Variants in NUDT21 observed in about 807,000 individuals in gnomAD.
NUDT21 encodes the protein cleavage and polyadenylation specificity factor subunit 5.
In NUDT21, 5 loss-of-function variants were observed where a neutral mutation model predicts 29.8. The ratio of observed to expected loss-of-function variants is 0.17; its 90% CI spans 0.09 to 0.35. The LOEUF (loss-of-function observed/expected upper bound fraction) is 0.35, where lower values mean the gene tolerates loss of function less well. NUDT21 is among the 10% of genes least tolerant of loss of function. The pLI, the probability that NUDT21 is intolerant of heterozygous loss-of-function variation, is 1.00. For missense variants in NUDT21, 76 were observed against 276.0 expected, an observed-to-expected ratio of 0.28 and a Z score of 5.13; for synonymous variants, 113 against 98.5, an observed-to-expected ratio of 1.15 and a Z score of -0.87.
chr16:56,440,201 A>AT lies in NUDT21; in HGVS notation c.382-456dup, dbSNP rs140750642. ...TTAAAAGCATTCTTCTTGGTCTTAA[A>AT]TAAACGGTTTATTTTAGGATAGTTT... On this transcript the variant is annotated intron_variant, in intron 3 of 6. Coordinates refer to ENST00000300291, the MANE Select transcript of NUDT21 (RefSeq NM_007006.3). Among the ~76,000 whole-genome samples, 756 of 152,286 alleles carry AT rather than the reference A, an allele frequency of 5.0e-3. 4 individuals are homozygous for AT. Among genetic ancestry groups the AT allele is most frequent in the African/African-American group, 0.017 (723 of 41,542 alleles).
rs1289344729 is a variant in NUDT21 at position 56,432,628 on chromosome 16, T to G, written c.*84A>C. The G allele has an allele frequency of 7.9e-7, 1 of 1,271,954 alleles. No individual in the cohort carries two copies. Among genetic ancestry groups the G allele is most frequent in the African/African-American group, 1.5e-5 (1 of 66,482 alleles). The allele number at this position is 1,271,954 out of a possible 1,614,324, so 78.8% of individuals were successfully genotyped here. On this transcript the variant is annotated 3_prime_UTR_variant, in exon 7 of 7. Coordinates refer to ENST00000300291, the MANE Select transcript of NUDT21 (RefSeq NM_007006.3). Reference sequence around the variant, plus strand: ...GCAAAAGAGATAAAACCAAAAAAACTTTTCTACCACATTTATTCTACACTG... The same window carrying G: ...GCAAAAGAGATAAAACCAAAAAAACGTTTCTACCACATTTATTCTACACTG...
intron 4 of NUDT21, among the ~76,000 whole-genome samples, chr16:56,436,357 T>G (rs1352065306): frequency 1.3e-5 from 2 of 152,222 alleles, no homozygotes; most frequent in African/African-American, 4.8e-5. Context: ...CTCAGCCAAG[T>G]TGTGAAGCCA....
intron 4 of NUDT21, among the ~76,000 whole-genome samples, chr16:56,438,694 T>A (rs1370657547): frequency 6.6e-6 from 1 of 152,112 alleles, no homozygotes; most frequent in African/African-American, 2.4e-5. Context: ...ACTATCAATT[T>A]GCAAGACACA....
chr16:56,440,624 A>G (rs542233277), intron 3 of NUDT21, among the ~76,000 whole-genome samples: 17 of 152,360 alleles, frequency 1.1e-4, no homozygotes, highest in Non-Finnish European at 2.2e-4. Flanking sequence ...CTACAGAGGT[A>G]AAAGGGCCAT....
Position 56,450,387 on chromosome 16 carries a change from A to G in NUDT21, c.116+700T>C, listed in dbSNP as rs78298146. The stretch of plus-strand genomic sequence containing the variant: ...TGTTGAAAATAAAACACAGCCCACA[A>G]TGGGTTTTCTGGTACAAACATTCTG... On this transcript the variant is annotated intron_variant, in intron 1 of 6. Coordinates refer to ENST00000300291, the MANE Select transcript of NUDT21 (RefSeq NM_007006.3). 3.3e-3 allele frequency among the ~76,000 whole-genome samples: 509 copies of G among 152,278 alleles called. 3 individuals carry two copies. The highest frequency in any genetic ancestry group is 0.012 in the African/African-American group (478 of 41,558).
intron 4 of NUDT21, among the ~76,000 whole-genome samples, chr16:56,436,611 T>C (rs1962106708): frequency 6.6e-6 from 1 of 152,206 alleles, no homozygotes; most frequent in Admixed American, 6.5e-5. Context: ...AAGAGATCTG[T>C]GGATCACATA....
Position 56,451,331 on chromosome 16 carries a change from A to G in NUDT21, c.-129T>C. 1 of 799,408 alleles carries G rather than the reference A, an allele frequency of 1.3e-6. No individual in the cohort carries two copies. The highest frequency in any genetic ancestry group is 2.0e-6 in the Non-Finnish European group (1 of 506,000). The allele number at this position is 799,408 out of a possible 1,614,324, so 49.5% of individuals were successfully genotyped here. On this transcript the variant is annotated 5_prime_UTR_variant, in exon 1 of 7. Transcript: ENST00000300291. The stretch of plus-strand genomic sequence containing the variant: ...GCCATTAACAGGACAGCGCAAGAGG[A>G]GGCGTAGGCACGCCGGAAGTGAACC...
At chr16:56,450,569 G>A (rs185608642) in intron 1 of NUDT21, among the ~76,000 whole-genome samples, 1 of 152,306 alleles carries the variant, frequency 6.6e-6, no homozygotes, top group East Asian at 1.9e-4. Context: ...AATAAAATGT[G>A]TTGTATTCAA....
Position 56,429,802 on chromosome 16 carries a change from A to G in NUDT21, c.*2910T>C, listed in dbSNP as rs1201251188. 3 of 152,230 alleles carry G rather than the reference A, an allele frequency of 2.0e-5. No homozygotes were observed. The highest frequency in any genetic ancestry group is 7.2e-5 in the African/African-American group (3 of 41,462). 9.4% of individuals were successfully genotyped at this position (152,230 alleles called of 1,614,324 possible). A position where few individuals can be genotyped will look rare whatever the true frequency, so the allele number is the denominator to read the frequency against. On this transcript the variant is annotated 3_prime_UTR_variant, in exon 7 of 7. Coordinates refer to ENST00000300291, the MANE Select transcript of NUDT21 (RefSeq NM_007006.3). ...CTCAGTGATTGGCATATACTGTTCC[A>G]AACACTATGAACTAGTAAAAACATT...
rs1962047130 is a variant in NUDT21, at chr16:56,432,629, T to C, written c.*83A>G. 4.6e-6 allele frequency: 6 copies of C among 1,294,644 alleles called. No individual in the cohort carries two copies. The Admixed American group carries it at 7.4e-5, about 16-fold the overall frequency. The allele number at this position is 1,294,644 out of a possible 1,614,324, so 80.2% of individuals were successfully genotyped here. On this transcript the variant is annotated 3_prime_UTR_variant, in exon 7 of 7. Coordinates refer to ENST00000300291, the MANE Select transcript of NUDT21 (RefSeq NM_007006.3). ...CAAAAGAGATAAAACCAAAAAAACT[T>C]TTCTACCACATTTATTCTACACTGT... is the stretch of plus-strand genomic sequence containing the variant.
chr16:56,444,620 C>CA lies in NUDT21; in HGVS notation c.381+2005dup, dbSNP rs376261802. ...CGCCTCAAAAAAAAAAAAACAAAAA[C>CA]AAAAAAAAAAAAAAACAAGCCTAAT... is the stretch of plus-strand genomic sequence containing the variant. On this transcript the variant is annotated intron_variant, in intron 3 of 6. Transcript: ENST00000300291. 9.4e-3 allele frequency among the ~76,000 whole-genome samples: 1,037 copies of CA among 110,892 alleles called. 6 individuals carry two copies. The highest frequency in any genetic ancestry group is 0.021 in the African/African-American group (632 of 30,658). The allele number at this position is 110,892 out of a possible 152,430, so 72.7% of individuals were successfully genotyped here. A position where few individuals can be genotyped will look rare whatever the true frequency, so the allele number is the denominator to read the frequency against.
Position 56,451,153 on chromosome 16 carries a change from AC to A in NUDT21, c.49del (p.Val17SerfsTer51). 1 of 1,604,446 alleles carries A rather than the reference AC, an allele frequency of 6.2e-7. No homozygotes were observed. Among genetic ancestry groups the A allele is most frequent in the Non-Finnish European group, 8.5e-7 (1 of 1,176,308 alleles). ...NRSQTGWPRG[V>X]TQFGNKYIQQ... is the part of the protein sequence containing the mutation. ...GATGTACTTGTTGCCGAACTGAGTGACCCCCCGGGGCCAGCCGGTCTGCGAG... is the reference window on the plus strand; with the variant it reads ...GATGTACTTGTTGCCGAACTGAGTGACCCCCGGGGCCAGCCGGTCTGCGAG... On this transcript the variant is annotated frameshift_variant, in exon 1 of 7. Transcript: ENST00000300291. LOFTEE classifies it high-confidence loss of function.
chr16:56,446,264 G>A (rs1178421341), intron 3 of NUDT21, among the ~76,000 whole-genome samples: 5 of 152,104 alleles, frequency 3.3e-5, no homozygotes, highest in African/African-American at 1.2e-4. Context: ...CAAACCTCTG[G>A]CTCTACAACA....
chr16:56,449,576 A>C lies in NUDT21; in HGVS notation c.116+1511T>G, dbSNP rs189386528. ...GTAAATCAACCCATAATTTTAATAG[A>C]GCGAAGATTAAAATATCTTACTGAA... On this transcript the variant is annotated intron_variant, in intron 1 of 6. Transcript: ENST00000300291. 1.4e-3 allele frequency among the ~76,000 whole-genome samples: 217 copies of C among 152,322 alleles called. 2 individuals carry two copies. The highest frequency in any genetic ancestry group is 1.9e-3 in the Admixed American group (29 of 15,300).
rs763169922 is a variant in NUDT21, at chr16:56,451,084, T to C, written c.116+3A>G. 7 of 1,611,670 alleles carry C rather than the reference T, an allele frequency of 4.3e-6. No homozygotes were observed. Among genetic ancestry groups the C allele is most frequent in the Non-Finnish European group, 5.9e-6 (7 of 1,178,078 alleles). ...ATGCCCGCCAAGGCCGCGCCGCACT[T>C]ACAGGTTGATGGTGCGCTCCAGGGT... On this transcript the variant is annotated splice_donor_region_variant and intron_variant, in intron 1 of 6. Coordinates refer to ENST00000300291, the MANE Select transcript of NUDT21 (RefSeq NM_007006.3).
intron 6 of NUDT21, 128 bp from the exon 7 acceptor site, chr16:56,432,861 C>T (rs938626670): frequency 6.6e-6 from 4 of 610,664 alleles, no homozygotes; most frequent in African/African-American, 3.7e-5. Context: ...TTTTCCCCTT[C>T]GAATGCCTTT....
chr16:56,446,796 T>C (rs1272333546), intron 2 of NUDT21, 107 bp from the exon 3 acceptor site: 6 of 634,932 alleles, frequency 9.4e-6, no homozygotes, highest in South Asian at 7.0e-5. Context: ...TATTTCAGCA[T>C]AATAAGGCAA....
rs1190627444 is a variant in NUDT21 at position 56,430,603 on chromosome 16, T to C, written c.*2109A>G. 6.6e-6 allele frequency: 1 copy of C among 152,212 alleles called. No homozygotes were observed. Among genetic ancestry groups the C allele is most frequent in the Non-Finnish European group, 1.5e-5 (1 of 68,030 alleles). The allele number at this position is 152,212 out of a possible 1,614,324, so 9.4% of individuals were successfully genotyped here. A position where few individuals can be genotyped will look rare whatever the true frequency, so the allele number is the denominator to read the frequency against. On this transcript the variant is annotated 3_prime_UTR_variant, in exon 7 of 7. Transcript: ENST00000300291. ...AACTTAGTGTTAAACAGTGCCCTTA[T>C]ACCCTCTTCTAATACTGTAGACACC...
intron 1 of NUDT21, 54 bp downstream of exon 1, chr16:56,451,033 A>G (rs964470393): frequency 6.9e-7 from 1 of 1,441,630 alleles, no homozygotes; most frequent in Non-Finnish European, 9.7e-7. Context: ...CGCGTCGGAG[A>G]GTCTATAGGA....
Sources: gnomAD v4.1 joint callset for allele counts (sites outside exome capture counted in the v4.1 genomes callset) on GRCh38, gnomAD v4.1.1 for gene constraint, MANE v1.5 for transcripts, NCBI Gene and HGNC (gene_info 2026-07-23, HGNC 2026-07-21) for gene names.